Variants in CLEC16A observed in about 807,000 individuals in gnomAD.
The protein encoded by CLEC16A is C-type lectin domain containing 16A.
CLEC16A carries 51 observed loss-of-function variants against 109.5 expected under a neutral mutation model. The observed-to-expected ratio is 0.47, with a 90% CI of 0.37 to 0.59. CLEC16A has a LOEUF of 0.59. Ranked by LOEUF, CLEC16A falls within the 20% of genes least tolerant of loss-of-function variation. The pLI is 0.00. For missense variants in CLEC16A, 1,339 were observed against 1,394.0 expected, an observed-to-expected ratio of 0.96 and a Z score of 0.63; for synonymous variants, 673 against 564.2, an observed-to-expected ratio of 1.19 and a Z score of -2.73.
intron 11 of CLEC16A, among the ~76,000 whole-genome samples, chr16:11,009,213 C>G (rs1355220766): frequency 6.6e-6 from 1 of 152,196 alleles, no homozygotes; most frequent in Admixed American, 6.5e-5. Context: ...GCTTGCATCA[C>G]TTAGCATAAA....
intron 10 of CLEC16A, among the ~76,000 whole-genome samples, chr16:10,984,561 G>T (rs1028700848): frequency 6.6e-6 from 1 of 152,174 alleles, no homozygotes; most frequent in Non-Finnish European, 1.5e-5. Flanking sequence ...TCTTATAAGC[G>T]CTCTAAAGGG....
At chr16:11,058,336 A>C (rs1228293781) in intron 18 of CLEC16A, among the ~76,000 whole-genome samples, 19 of 152,352 alleles carry the variant, frequency 1.2e-4, no homozygotes, top group Non-Finnish European at 8.8e-5. Flanking sequence ...ACAGATGCTC[A>C]AGTCCCTTAT....
intron 7 of CLEC16A, among the ~76,000 whole-genome samples, chr16:10,973,398 TA>T (rs2042887097): frequency 6.6e-6 from 1 of 152,172 alleles, no homozygotes; most frequent in African/African-American, 2.4e-5. Flanking sequence ...TGTTTGGCGA[TA>T]AAAAGGAATG....
intron 19 of CLEC16A, among the ~76,000 whole-genome samples, chr16:11,085,104 T>A (rs180810503): frequency 1.7e-3 from 260 of 152,348 alleles, no homozygotes; most frequent in Non-Finnish European, 1.6e-3. Flanking sequence ...AGCCTGTCGT[T>A]GTCTGAAGGG....
chr16:11,134,800 A>G (rs2053462963), intron 22 of CLEC16A, among the ~76,000 whole-genome samples: 1 of 152,250 alleles, frequency 6.6e-6, no homozygotes, highest in Admixed American at 6.5e-5. Flanking sequence ...TGCCTGTCTC[A>G]GAATGTCAGA....
intron 22 of CLEC16A, chr16:11,136,412 A>G (rs1385437341): frequency 6.6e-6 from 1 of 152,252 alleles, no homozygotes; most frequent in Non-Finnish European, 1.5e-5. Flanking sequence ...GCCCAGAACA[A>G]TGCCTGACCC....
chr16:11,068,437 C>G (rs1234150399), intron 19 of CLEC16A, among the ~76,000 whole-genome samples: 1 of 152,216 alleles, frequency 6.6e-6, no homozygotes, highest in Non-Finnish European at 1.5e-5. Flanking sequence ...CCTGCATCCC[C>G]ACAGGCAGCA....
At chr16:11,092,858 A>G (rs961826741) in intron 19 of CLEC16A, among the ~76,000 whole-genome samples, 1 of 152,170 alleles carries the variant, frequency 6.6e-6, no homozygotes, top group Non-Finnish European at 1.5e-5. Flanking sequence ...TAAATATACT[A>G]ACAAGCGTTT....
intron 11 of CLEC16A, among the ~76,000 whole-genome samples, chr16:11,014,408 C>G (rs965789889): frequency 6.6e-6 from 1 of 152,116 alleles, no homozygotes; most frequent in East Asian, 1.9e-4. Context: ...AGTAAATATC[C>G]TTGTGCATGT....
intron 19 of CLEC16A, among the ~76,000 whole-genome samples, chr16:11,119,032 T>TA (rs1295214784): frequency 6.6e-6 from 1 of 152,206 alleles, no homozygotes; most frequent in African/African-American, 2.4e-5. Context: ...GACAAGGTCT[T>TA]ATTCTGTCAC....
chr16:11,034,426 C>T (rs1056482742), intron 13 of CLEC16A, among the ~76,000 whole-genome samples: 4 of 152,150 alleles, frequency 2.6e-5, no homozygotes, highest in African/African-American at 9.7e-5. Flanking sequence ...GGGTCTTTTA[C>T]CTCTCTACCC....
rs1210824672 is a variant in CLEC16A at position 11,180,851 on chromosome 16, T to C, written c.*2161T>C. Reference sequence around the variant, plus strand: ...GAGCACTGAAGGAGAGAGGTCTTGGTCAGGGCTGGACAGCATGCCCGGGAG... The same window carrying C: ...GAGCACTGAAGGAGAGAGGTCTTGGCCAGGGCTGGACAGCATGCCCGGGAG... On this transcript the variant is annotated 3_prime_UTR_variant, in exon 24 of 24. Transcript: ENST00000409790. 2.0e-5 allele frequency: 3 copies of C among 152,434 alleles called. No homozygotes were observed. Among genetic ancestry groups the C allele is most frequent in the Non-Finnish European group, 2.9e-5 (2 of 68,262 alleles). 9.4% of individuals were successfully genotyped at this position (152,434 alleles called of 1,614,324 possible). A position where few individuals can be genotyped will look rare whatever the true frequency, so the allele number is the denominator to read the frequency against.
chr16:11,059,681 G>A (rs558132977), intron 18 of CLEC16A, among the ~76,000 whole-genome samples: 75 of 152,296 alleles, frequency 4.9e-4, no homozygotes, highest in African/African-American at 1.7e-3. Flanking sequence ...ACCCAAAGGC[G>A]CACTGGGATT....
chr16:11,144,139 C>T (rs549145223), intron 22 of CLEC16A, among the ~76,000 whole-genome samples: 1 of 152,314 alleles, frequency 6.6e-6, no homozygotes, highest in South Asian at 2.1e-4. Flanking sequence ...TGGTCATCTC[C>T]CAAGCTACCT....
intron 19 of CLEC16A, among the ~76,000 whole-genome samples, chr16:11,087,266 G>C (rs1050287547): frequency 6.1e-4 from 92 of 151,496 alleles, no homozygotes; most frequent in African/African-American, 2.2e-3. Context: ...ACTTGTTAAG[G>C]CTCCCCTGGG....
chr16:11,012,874 G>A lies in CLEC16A; in HGVS notation c.1304-7319G>A, dbSNP rs910926969. On this transcript the variant is annotated intron_variant, in intron 11 of 23. Transcript: ENST00000409790. ...TCGTCTACTTTATGAATTGTTATTT[G>A]ACAATCATTTGTATTCATTTATTTT... Among the ~76,000 whole-genome samples, 5 of 152,042 alleles carry A rather than the reference G, an allele frequency of 3.3e-5. No homozygotes were observed. In the East Asian group the frequency reaches 9.6e-4, roughly 29 times the overall value.
chr16:10,948,165 T>G (rs958179727), intron 1 of CLEC16A, among the ~76,000 whole-genome samples: 1 of 152,234 alleles, frequency 6.6e-6, no homozygotes, highest in Non-Finnish European at 1.5e-5. Flanking sequence ...AGTGCTGGGA[T>G]TACAGGCATG....
Position 11,178,322 on chromosome 16 carries a change from T to TC in CLEC16A, c.2807-8dup, listed in dbSNP as rs781088168. The TC allele has an allele frequency of 6.3e-7, 1 of 1,591,970 alleles. No individual in the cohort carries two copies. Among genetic ancestry groups the TC allele is most frequent in the Non-Finnish European group, 8.6e-7 (1 of 1,164,348 alleles). ...GGGCTCAGTGTGTTTCCGGTTTTTC[T>TC]CCCCCAATCCAGATGCCCCCATGAG... On this transcript the variant is annotated splice_polypyrimidine_tract_variant and intron_variant, in intron 23 of 23. Transcript: ENST00000409790. This position sits in a 1 kb window ranked among gnomAD's most constrained non-coding sequence, Gnocchi z 6.5.
Position 11,073,314 on chromosome 16 carries a change from C to A in CLEC16A, c.2116+12292C>A, listed in dbSNP as rs947499922. On this transcript the variant is annotated intron_variant, in intron 19 of 23. Transcript: ENST00000409790. The stretch of plus-strand genomic sequence containing the variant: ...AATGGAGCAGCTGCTCATCACCCGA[C>A]CTGCTGACTTGGAATCACTCCCAAC... Among the ~76,000 whole-genome samples, 7 of 152,112 alleles carry A rather than the reference C, an allele frequency of 4.6e-5. No homozygotes were observed. The South Asian group carries it at 1.0e-3, about 23-fold the overall frequency.
Sources: allele counts gnomAD v4.1 joint callset (sites outside exome capture counted in the v4.1 genomes callset), GRCh38; gene constraint gnomAD v4.1.1; non-coding constraint Gnocchi (gnomAD v3.1); transcripts MANE v1.5; gene names NCBI Gene and HGNC (gene_info 2026-07-23, HGNC 2026-07-21).